The following FKBP10 variants were observed in gnomAD, a reference collection of about 807,000 sequenced individuals.
The protein encoded by FKBP10 is FKBP prolyl isomerase 10.
FKBP10 carries 34 observed loss-of-function variants against 53.7 expected under a neutral mutation model. The ratio of observed to expected loss-of-function variants is 0.63; its 90% CI spans 0.48 to 0.84. FKBP10 has a LOEUF of 0.84. Ranked by LOEUF, FKBP10 falls within the 40% of genes least tolerant of loss-of-function variation. The probability of loss-of-function intolerance (pLI) is 0.00; values close to 1 mark genes in which losing one functional copy is unlikely to be tolerated. For synonymous variants in FKBP10, 324 were observed against 335.7 expected (o/e 0.97, Z 0.38); for missense variants, 748 against 797.8 (o/e 0.94, Z 0.75).
At chr17:41,821,255 T>C (rs1295881874) in intron 8 of FKBP10, among the ~76,000 whole-genome samples, 166 bp downstream of exon 8, 1 of 150,296 alleles carries the variant, frequency 6.7e-6, no homozygotes, top group Non-Finnish European at 1.5e-5. Flanking sequence ...CCCGAGTAGC[T>C]GGGATTACAG....
chr17:41,821,028 G>T lies in FKBP10; in HGVS notation c.1338G>T (p.Met446Ile), dbSNP rs1555616965. The T allele has an allele frequency of 1.9e-6, 3 of 1,599,386 alleles. No individual in the cohort carries two copies. In the South Asian group the frequency reaches 3.4e-5, roughly 18 times the overall value. ...GCCTGGACACGGGCCTGCAGGGCAT[G>T]TGTGTGGGAGAGAGGCGGCAGCTCA... is the stretch of plus-strand genomic sequence containing the variant. The part of the protein sequence containing the change: ...IEGLDTGLQG[M>I]CVGERRQLIV... The change falls in exon 8 of 10, where the codon ATG becomes ATT. Residue 446 changes from methionine (M) to isoleucine (I), a missense_variant. Coordinates refer to ENST00000321562, the MANE Select transcript of FKBP10 (RefSeq NM_021939.4).
In FKBP10 at chr17:41,823,165, A is replaced by G. The variant is rs1256339681; in HGVS notation, c.*757A>G. 1 of 153,088 alleles carries G rather than the reference A, an allele frequency of 6.5e-6. No individual in the cohort carries two copies. The highest frequency in any genetic ancestry group is 1.5e-5 in the Non-Finnish European group (1 of 68,734). The allele number at this position is 153,088 out of a possible 1,614,324, so 9.5% of individuals were successfully genotyped here. ...AGAGCTCTGCACACTCAAAGGCTAA[A>G]CTGGTGTCAGTCCTTTTTTCCTTTG... On this transcript the variant is annotated 3_prime_UTR_variant, in exon 10 of 10. Transcript: ENST00000321562.
chr17:41,819,642 C>A lies in FKBP10; in HGVS notation c.1030C>A (p.Pro344Thr), dbSNP rs1245715937. 6 of 1,611,090 alleles carry A rather than the reference C, an allele frequency of 3.7e-6. No individual in the cohort carries two copies. Among genetic ancestry groups the A allele is most frequent in the Non-Finnish European group, 5.1e-6 (6 of 1,178,878 alleles). The change falls in exon 6 of 10, where the codon CCC (proline) becomes ACC (threonine). Residue 344 changes from proline (P) to threonine (T), a missense_variant. Physicochemically the swap from Pro to Thr is conservative, Grantham distance 38. Transcript: ENST00000321562. ...GGGGGAACGCCGGAGAATTACCATC[C>A]CCCCGCACCTCGCCTATGGGGAGAA... is the stretch of plus-strand genomic sequence containing the variant. ...CMGERRRITI[P>T]PHLAYGENGT...
At position 41,821,076 on chromosome 17, in the gene FKBP10, C is replaced by T. The variant is rs571808781; in HGVS notation, c.1386C>T (p.His462=). The change falls in exon 8 of 10, where the codon CAC becomes CAT. Residue 462 remains histidine (H), a synonymous_variant. Transcript: ENST00000321562. ...RQLIVPPHLA[H]GESGARGVPG... ...TCATCGTGCCCCCGCACCTGGCCCA[C>T]GGGGAGAGTGGAGGTGAGGGGCTGA... The T allele has an allele frequency of 3.3e-5, 52 of 1,560,848 alleles. No homozygotes were observed. The South Asian group carries it at 4.9e-4, about 15-fold the overall frequency.
At chr17:41,815,732 G>GGCGTGA (rs1243854119) in intron 1 of FKBP10, among the ~76,000 whole-genome samples, 2 of 151,344 alleles carry the variant, frequency 1.3e-5, no homozygotes, top group African/African-American at 4.9e-5. Flanking sequence ...TGGGATTACA[G>GGCGTGA]GCGTGAGCCA....
Position 41,818,194 on chromosome 17 carries a change from A to T in FKBP10, c.497A>T (p.His166Leu). 1 of 1,613,614 alleles carries T rather than the reference A, an allele frequency of 6.2e-7. No homozygotes were observed. The highest frequency in any genetic ancestry group is 8.5e-7 in the Non-Finnish European group (1 of 1,179,996). ...GTGAGCACATTGCTGCGCCCGCCCC[A>T]CTGCCCCCGCATGGTCCAGGACGGC... ...VQVSTLLRPP[H>L]CPRMVQDGDF... Residue 166 changes from histidine (H) to leucine (L), a missense_variant, in exon 3 of 10, where the codon CAC becomes CTC. Transcript: ENST00000321562.
In FKBP10 at chr17:41,813,244, C is replaced by T. The variant is rs373594621; in HGVS notation, c.210C>T (p.Asn70=). 6.2e-7 allele frequency: 1 copy of T among 1,613,722 alleles called. No individual in the cohort carries two copies. Among genetic ancestry groups the T allele is most frequent in the African/African-American group, 1.3e-5 (1 of 74,946 alleles). The change falls in exon 1 of 10, where the codon AAC becomes AAT. Residue 70 remains asparagine (N), a synonymous_variant. Coordinates refer to ENST00000321562, the MANE Select transcript of FKBP10 (RefSeq NM_021939.4). Reference sequence around the variant, plus strand: ...GGGATTTTGTGCGCTACCACTACAACGGCACTTTTGAAGATGGCAAGAAGT... The same window carrying T: ...GGGATTTTGTGCGCTACCACTACAATGGCACTTTTGAAGATGGCAAGAAGT... The part of the protein sequence containing the change: ...QMGDFVRYHY[N]GTFEDGKKFD...
intron 1 of FKBP10, among the ~76,000 whole-genome samples, chr17:41,816,677 T>C (rs1239197930): frequency 6.6e-6 from 1 of 152,194 alleles, no homozygotes; most frequent in Admixed American, 6.5e-5. Flanking sequence ...ATACGGAATG[T>C]AAAATGCCAA....
intron 1 of FKBP10, among the ~76,000 whole-genome samples, chr17:41,813,662 T>A (rs782627746): frequency 4.7e-4 from 72 of 152,136 alleles, no homozygotes; most frequent in Middle Eastern, 3.2e-3. Flanking sequence ...CTGGACCCCG[T>A]ACCTTTCCAC....
Position 41,818,229 on chromosome 17 carries a change from C to T in FKBP10, c.532C>T (p.Arg178Cys), listed in dbSNP as rs782027232. The T allele has an allele frequency of 2.4e-5, 38 of 1,613,408 alleles. No homozygotes were observed. In the African/African-American group the frequency reaches 3.1e-4, roughly 13 times the overall value. The change falls in exon 3 of 10, where the codon CGC (arginine) becomes TGC (cysteine). Residue 178 changes from arginine to cysteine, a missense_variant. Physicochemically the swap from Arg to Cys is radical, Grantham distance 180 (BLOSUM62 -3). Coordinates refer to ENST00000321562, the MANE Select transcript of FKBP10 (RefSeq NM_021939.4). ...CATGGTCCAGGACGGCGACTTTGTC[C>T]GCTACCACTACAATGGCACCCTGCT... ...PRMVQDGDFV[R>C]YHYNGTLLDG...
intron 1 of FKBP10, among the ~76,000 whole-genome samples, chr17:41,815,002 C>G (rs2047796703): frequency 6.6e-6 from 1 of 152,242 alleles, no homozygotes; most frequent in African/African-American, 2.4e-5. Flanking sequence ...ACCTCCGCCT[C>G]TGCCTCCCAG....
chr17:41,818,217 G>A lies in FKBP10; in HGVS notation c.520G>A (p.Gly174Ser), dbSNP rs140950528. 7.6e-5 allele frequency: 123 copies of A among 1,613,438 alleles called. No homozygotes were observed. Among genetic ancestry groups the A allele is most frequent in the Middle Eastern group, 4.9e-4 (3 of 6,062 alleles). Residue 174 changes from glycine to serine, a missense_variant, in exon 3 of 10, where the codon GGC (glycine) becomes AGC (serine). By Grantham distance (56) the Gly-to-Ser change is moderately conservative. Coordinates refer to ENST00000321562, the MANE Select transcript of FKBP10 (RefSeq NM_021939.4). Reference protein sequence around the residue: ...PPHCPRMVQDGDFVRYHYNGT... With the variant: ...PPHCPRMVQDSDFVRYHYNGT... The stretch of plus-strand genomic sequence containing the variant: ...CCACTGCCCCCGCATGGTCCAGGAC[G>A]GCGACTTTGTCCGCTACCACTACAA...
chr17:41,817,384 T>C lies in FKBP10; in HGVS notation c.391+181T>C, dbSNP rs2883070. 0.29 allele frequency among the ~76,000 whole-genome samples: 44,088 copies of C among 151,412 alleles called. 6,703 individuals are homozygous for C. Among genetic ancestry groups the C allele is most frequent in the Admixed American group, 0.41 (6,215 of 15,226 alleles). On this transcript the variant is annotated intron_variant, in intron 2 of 9. Coordinates refer to ENST00000321562, the MANE Select transcript of FKBP10 (RefSeq NM_021939.4). Reference sequence around the variant, plus strand: ...GTAGCTGACATATATGGTCCCAGAGTTTTGGGAGGCCGAGGTGGGAGGATT... The same window carrying C: ...GTAGCTGACATATATGGTCCCAGAGCTTTGGGAGGCCGAGGTGGGAGGATT...
In FKBP10 at chr17:41,821,896, C is replaced by T. The variant is rs187589104; in HGVS notation, c.1563+79C>T. On this transcript the variant is annotated intron_variant, in intron 9 of 9. Coordinates refer to ENST00000321562, the MANE Select transcript of FKBP10 (RefSeq NM_021939.4). ...AAGCATCGAGGAAGAAGACGTCCCCCGTCCGGACTGCCCACCCGCCCTGGT... is the reference window on the plus strand; with the variant it reads ...AAGCATCGAGGAAGAAGACGTCCCCTGTCCGGACTGCCCACCCGCCCTGGT... 4.0e-4 allele frequency: 625 copies of T among 1,573,176 alleles called. 2 individuals carry two copies. The Middle Eastern group carries it at 4.2e-3, about 11-fold the overall frequency.
At chr17:41,820,220 G>C (rs1555616790) in intron 6 of FKBP10, 49 bp from the exon 7 acceptor site, 1 of 1,598,490 alleles carries the variant, frequency 6.3e-7, no homozygotes, top group African/African-American at 1.3e-5. Flanking sequence ...ACCTCAAGTA[G>C]CCTCTCCTAG....
At chr17:41,815,863 G>T (rs1719830108) in intron 1 of FKBP10, among the ~76,000 whole-genome samples, 1 of 151,714 alleles carries the variant, frequency 6.6e-6, no homozygotes, top group Non-Finnish European at 1.5e-5. Flanking sequence ...TAATTGGCTG[G>T]GCACAGTGGC....
At chr17:41,814,248 G>T (rs1475011041) in intron 1 of FKBP10, among the ~76,000 whole-genome samples, 5 of 152,194 alleles carry the variant, frequency 3.3e-5, no homozygotes, top group African/African-American at 1.2e-4. Context: ...GGCATATATT[G>T]GGGTAAGCCT....
At position 41,822,724 on chromosome 17, in the gene FKBP10, A is replaced by C. The variant is rs534646725; in HGVS notation, c.*316A>C. ...TGGTCCCCCACCATACCTCCCCTCC[A>C]CATCACTGACACAGCTGAGCTTGTT... On this transcript the variant is annotated 3_prime_UTR_variant, in exon 10 of 10. Coordinates refer to ENST00000321562, the MANE Select transcript of FKBP10 (RefSeq NM_021939.4). 4.1e-5 allele frequency: 18 copies of C among 443,880 alleles called. No individual in the cohort carries two copies. The highest frequency in any genetic ancestry group is 2.7e-4 in the South Asian group (13 of 47,286). 27.5% of individuals were successfully genotyped at this position (443,880 alleles called of 1,614,324 possible). A position where few individuals can be genotyped will look rare whatever the true frequency, so the allele number is the denominator to read the frequency against.
In FKBP10 at chr17:41,821,047, C is replaced by T. The variant is rs782505235; in HGVS notation, c.1357C>T (p.Gln453Ter). Residue 453 changes from glutamine to a stop codon, truncating the protein, a stop_gained, in exon 8 of 10, where the codon CAG becomes TAG. Transcript: ENST00000321562. LOFTEE classifies it high-confidence loss of function. ...GGGCATGTGTGTGGGAGAGAGGCGG[C>T]AGCTCATCGTGCCCCCGCACCTGGC... The part of the protein sequence containing the change: ...LQGMCVGERR[Q>*]LIVPPHLAHG... The T allele has an allele frequency of 1.3e-6, 2 of 1,582,626 alleles. No homozygotes were observed. The highest frequency in any genetic ancestry group is 8.6e-7 in the Non-Finnish European group (1 of 1,165,020).
Sources: gnomAD v4.1 joint callset for allele counts (sites outside exome capture counted in the v4.1 genomes callset) on GRCh38, gnomAD v4.1.1 for gene constraint, MANE v1.5 for transcripts, NCBI Gene and HGNC (gene_info 2026-07-23, HGNC 2026-07-21) for gene names.